Variants in CACNA2D2 observed in about 807,000 individuals in gnomAD.
CACNA2D2 encodes voltage-dependent calcium channel subunit alpha-2/delta-2.
CACNA2D2 carries 48 observed loss-of-function variants against 166.4 expected under a neutral mutation model. The observed-to-expected ratio is 0.29, with a 90% CI of 0.23 to 0.37. The LOEUF (loss-of-function observed/expected upper bound fraction) is 0.37, where lower values mean the gene tolerates loss of function less well. CACNA2D2 is among the 10% of genes least tolerant of loss of function. The pLI is 1.00. For missense variants in CACNA2D2, 1,122 were observed against 1,433.0 expected (o/e 0.78, Z 3.50); for synonymous variants, 561 against 573.7 (o/e 0.98, Z 0.32).
chr3:50,448,611 G>A (rs1361899965), intron 2 of CACNA2D2, among the ~76,000 whole-genome samples: 6 of 152,066 alleles, frequency 3.9e-5, no homozygotes, highest in African/African-American at 7.2e-5. Context: ...GGGAAGGCTC[G>A]CAATGAACAA....
intron 3 of CACNA2D2, among the ~76,000 whole-genome samples, chr3:50,398,874 G>C (rs1706293573): frequency 6.6e-6 from 1 of 152,200 alleles, no homozygotes; most frequent in Non-Finnish European, 1.5e-5. Context: ...ACAGGAAAAT[G>C]CAAGAAAGAG....
chr3:50,367,892 G>A lies in CACNA2D2; in HGVS notation c.2154C>T (p.Phe718=), dbSNP rs753131879. 4.5e-6 allele frequency: 4 copies of A among 888,486 alleles called. No individual in the cohort carries two copies. The highest frequency in any genetic ancestry group is 3.9e-5 in the Admixed American group (2 of 50,984). 55.0% of individuals were successfully genotyped at this position (888,486 alleles called of 1,614,324 possible). A position where few individuals can be genotyped will look rare whatever the true frequency, so the allele number is the denominator to read the frequency against. Residue 718 remains phenylalanine, a synonymous_variant, in exon 25 of 38, where the codon TTC becomes TTT. Transcript: ENST00000424201. The surrounding 1 kb of genome is among the most constrained non-coding windows in gnomAD (Gnocchi z 6.5). ...VTPDSKQCNN[F]LLHNLILDTG... is the part of the protein sequence containing the mutation. ...TGTCCAAGATCAGGTTGTGCAGAAG[G>A]AAGTTGTTGCCTGGAACAGGAGGGG...
intron 2 of CACNA2D2, among the ~76,000 whole-genome samples, chr3:50,459,787 G>A (rs1264907636): frequency 6.6e-6 from 1 of 152,224 alleles, no homozygotes; most frequent in Non-Finnish European, 1.5e-5. Flanking sequence ...GCTCACTGCT[G>A]CACCCCACCA....
At chr3:50,378,382 C>A (rs1292535618) in intron 13 of CACNA2D2, 49 bp from the exon 14 acceptor site, 4 of 1,536,138 alleles carry the variant, frequency 2.6e-6, no homozygotes, top group African/African-American at 1.4e-5. Flanking sequence ...ACTGCAGGAT[C>A]CATGTGCAGA....
At chr3:50,483,542 G>A (rs1176553301) in intron 1 of CACNA2D2, among the ~76,000 whole-genome samples, 1 of 152,186 alleles carries the variant, frequency 6.6e-6, no homozygotes, top group East Asian at 1.9e-4. Flanking sequence ...GACTAACAGT[G>A]AGCCATCATC....
At position 50,364,768 on chromosome 3, in the gene CACNA2D2, CG is replaced by C; in HGVS notation, c.3329del (p.Pro1110ArgfsTer63). ...TSDCGRGASF[P>X]PSLGVLVSLQ... ...GGGAGACCAGGACGCCCAGCGACGG[CG>C]GGAAGGAGGCCCCGCGGCCACAGTC... On this transcript the variant is annotated frameshift_variant, in exon 38 of 38. Transcript: ENST00000424201. LOFTEE classifies it high-confidence loss of function. The C allele has an allele frequency of 6.3e-7, 1 of 1,587,036 alleles. No individual in the cohort carries two copies. The highest frequency in any genetic ancestry group is 8.6e-7 in the Non-Finnish European group (1 of 1,167,442).
In CACNA2D2 at chr3:50,376,293, T is replaced by C. The variant is rs587658106; in HGVS notation, c.1627-105A>G. ...CCTCCCACCGCACCGAGAGATTCTG[T>C]TTGCCTGCCTTGGGCTAAGGGCCCC... is the stretch of plus-strand genomic sequence containing the variant. On this transcript the variant is annotated intron_variant, in intron 17 of 37. Coordinates refer to ENST00000424201, the MANE Select transcript of CACNA2D2 (RefSeq NM_006030.4). The surrounding 1 kb of genome is among the most constrained non-coding windows in gnomAD (Gnocchi z 4.3). 1 of 1,218,192 alleles carries C rather than the reference T, an allele frequency of 8.2e-7. No individual in the cohort carries two copies. The highest frequency in any genetic ancestry group is 1.2e-6 in the Non-Finnish European group (1 of 859,984). 75.5% of individuals were successfully genotyped at this position (1,218,192 alleles called of 1,614,324 possible).
chr3:50,446,878 A>AC (rs1708873191), intron 2 of CACNA2D2, among the ~76,000 whole-genome samples: 9 of 152,188 alleles, frequency 5.9e-5, no homozygotes, highest in Admixed American at 5.9e-4. Context: ...TTCGACTTGT[A>AC]GGAAACCATC....
At position 50,365,228 on chromosome 3, in the gene CACNA2D2, C is replaced by CCG; in HGVS notation, c.3099-45_3099-44insCG. 1.3e-6 allele frequency: 2 copies of CCG among 1,551,256 alleles called. No individual in the cohort carries two copies. Among genetic ancestry groups the CCG allele is most frequent in the Non-Finnish European group, 1.8e-6 (2 of 1,132,338 alleles). On this transcript the variant is annotated intron_variant, in intron 35 of 37. Transcript: ENST00000424201. This position sits in a 1 kb window ranked among gnomAD's most constrained non-coding sequence, Gnocchi z 4.5. ...GGCGGGGCGTTGAGTTTGCCCCGCCCTGACCCACCCCCATCCTGCGGCCCC... is the reference window on the plus strand; with the variant it reads ...GGCGGGGCGTTGAGTTTGCCCCGCCCCGTGACCCACCCCCATCCTGCGGCCCC...
In CACNA2D2 at chr3:50,486,490, G is replaced by C. The variant is rs549840232; in HGVS notation, c.207-10291C>G. On this transcript the variant is annotated intron_variant, in intron 1 of 37. Transcript: ENST00000424201. ...CAACATGGCCTCCTGCCTTGAAGAAGACAGAGACCCCCTCAAGGTCCCCCT... is the reference window on the plus strand; with the variant it reads ...CAACATGGCCTCCTGCCTTGAAGAACACAGAGACCCCCTCAAGGTCCCCCT... Among the ~76,000 whole-genome samples, 44 of 152,068 alleles carry C rather than the reference G, an allele frequency of 2.9e-4. No individual in the cohort carries two copies. The South Asian group carries it at 5.6e-3, about 19-fold the overall frequency.
intron 2 of CACNA2D2, among the ~76,000 whole-genome samples, chr3:50,451,496 T>TCC (rs758233466): frequency 6.6e-6 from 1 of 152,042 alleles, no homozygotes; most frequent in East Asian, 1.9e-4. Context: ...ATCCTGAAGT[T>TCC]CAGGCCCCTG....
chr3:50,442,960 C>G (rs1284034159), intron 2 of CACNA2D2, among the ~76,000 whole-genome samples: 1 of 152,130 alleles, frequency 6.6e-6, no homozygotes, highest in Non-Finnish European at 1.5e-5. Flanking sequence ...ACTCTCAGGG[C>G]CCCCATCCTC....
chr3:50,412,086 C>T (rs574325547), intron 3 of CACNA2D2, among the ~76,000 whole-genome samples: 3 of 152,364 alleles, frequency 2.0e-5, no homozygotes, highest in African/African-American at 7.2e-5. Flanking sequence ...ATGGGCTCAG[C>T]TAGAGCAAGT....
At position 50,476,122 on chromosome 3, in the gene CACNA2D2, C is replaced by T. The variant is rs149979955; in HGVS notation, c.284G>A (p.Arg95His). Residue 95 changes from arginine to histidine, a missense_variant, in exon 2 of 38, where the codon CGT becomes CAT. Transcript: ENST00000424201. ...AGCAAGTGGCACCGGGCTCACCTCA[C>T]GGAGCTGCTGGACGCCTCCAAAAAT... Reference protein sequence around the residue: ...MRIFGGVQQLREIYKDNRNLF... With the variant: ...MRIFGGVQQLHEIYKDNRNLF... 284 of 1,599,126 alleles carry T rather than the reference C, an allele frequency of 1.8e-4. No homozygotes were observed. The East Asian group carries it at 2.3e-3, about 13-fold the overall frequency.
At chr3:50,425,795 C>T (rs1707781023) in intron 3 of CACNA2D2, among the ~76,000 whole-genome samples, 1 of 152,140 alleles carries the variant, frequency 6.6e-6, no homozygotes, top group Non-Finnish European at 1.5e-5. Flanking sequence ...ACATCTCCCT[C>T]CCTGGGGTTC....
intron 1 of CACNA2D2, among the ~76,000 whole-genome samples, chr3:50,489,323 C>T (rs893730699): frequency 1.3e-5 from 2 of 152,206 alleles, no homozygotes; most frequent in Non-Finnish European, 1.5e-5. Flanking sequence ...TAATGGCCTC[C>T]TCCATATGCC....
intron 3 of CACNA2D2, among the ~76,000 whole-genome samples, chr3:50,407,562 C>T (rs1706784562): frequency 6.6e-6 from 1 of 152,204 alleles, no homozygotes; most frequent in African/African-American, 2.4e-5. Context: ...CAGACAGTGA[C>T]CAGCAGCCAC....
rs1283236587 is a variant in CACNA2D2, at chr3:50,370,506, A to C, written c.1985-126T>G. The C allele has an allele frequency of 4.7e-6, 3 of 643,702 alleles. No individual in the cohort carries two copies. The African/African-American group carries it at 5.4e-5, about 12-fold the overall frequency. 39.9% of individuals were successfully genotyped at this position (643,702 alleles called of 1,614,324 possible). On this transcript the variant is annotated intron_variant, in intron 22 of 37. Transcript: ENST00000424201. Reference sequence around the variant, plus strand: ...GAGGGAGGGGGAGACACCAGCAAAGAGGAAACCCGCCATTTCCACGTCCAG... The same window carrying C: ...GAGGGAGGGGGAGACACCAGCAAAGCGGAAACCCGCCATTTCCACGTCCAG...
intron 2 of CACNA2D2, among the ~76,000 whole-genome samples, chr3:50,471,775 G>A (rs972693564): frequency 6.6e-6 from 1 of 152,178 alleles, no homozygotes; most frequent in African/African-American, 2.4e-5. Context: ...GGTCAGTGCC[G>A]GGAGCCAGCT....
Sources: gnomAD v4.1 joint callset for allele counts (sites outside exome capture counted in the v4.1 genomes callset) on GRCh38, gnomAD v4.1.1 for gene constraint, Gnocchi (gnomAD v3.1) non-coding constraint, MANE v1.5 for transcripts, NCBI Gene and HGNC (gene_info 2026-07-23, HGNC 2026-07-21) for gene names.